The following PLEKHH2 variants were observed in gnomAD, a reference collection of about 807,000 sequenced individuals.
PLEKHH2 encodes pleckstrin homology, MyTH4 and FERM domain containing H2.
Under a neutral mutation model 187.9 loss-of-function variants are expected in PLEKHH2, and 129 were observed. The ratio of observed to expected loss-of-function variants is 0.69; its 90% CI spans 0.59 to 0.79. The LOEUF (loss-of-function observed/expected upper bound fraction) is 0.79. Among genes scored for constraint, PLEKHH2 ranks in the 30% least tolerant of loss-of-function variants. The probability of loss-of-function intolerance (pLI) is 0.00; values close to 1 mark genes in which losing one functional copy is unlikely to be tolerated. For synonymous variants in PLEKHH2, 686 were observed against 605.6 expected, an observed-to-expected ratio of 1.13 and a Z score of -1.95; for missense variants, 2,076 against 1,751.2, an observed-to-expected ratio of 1.19 and a Z score of -3.31.
At position 43,765,456 on chromosome 2, in the gene PLEKHH2, T is replaced by G; in HGVS notation, c.4340T>G (p.Phe1447Cys). ...TTGATCGCCAGTTACATAAACAACT[T>G]CCATCAGCAAAAGGCAGCATTTCAC... Reference protein sequence around the residue: ...TLLIASYINNFHQQKAAFHHL... With the variant: ...TLLIASYINNCHQQKAAFHHL... The change falls in exon 30 of 30, where the codon TTC becomes TGC. Residue 1447 changes from phenylalanine to cysteine, a missense_variant. Transcript: ENST00000282406. 1.9e-6 allele frequency: 3 copies of G among 1,614,142 alleles called. No homozygotes were observed. The highest frequency in any genetic ancestry group is 2.5e-6 in the Non-Finnish European group (3 of 1,180,008).
intron 24 of PLEKHH2, among the ~76,000 whole-genome samples, chr2:43,747,619 T>G (rs1671835153): frequency 6.6e-6 from 1 of 152,216 alleles, no homozygotes; most frequent in African/African-American, 2.4e-5. Context: ...TTTTCATTTC[T>G]TTCATGTATT....
chr2:43,688,246 A>C (rs35100747), intron 3 of PLEKHH2, among the ~76,000 whole-genome samples: 31,980 of 152,230 alleles, frequency 0.21, 4,217 homozygotes, highest in Non-Finnish European at 0.28. Flanking sequence ...TCTAATATCC[A>C]GAATCTATAA....
intron 3 of PLEKHH2, chr2:43,681,007 AG>A: frequency 8.0e-7 from 1 of 1,242,664 alleles, no homozygotes. Flanking sequence ...CAACTGGAAA[AG>A]TCACCTGTTC....
rs376851824 is a variant in PLEKHH2, at chr2:43,710,584, C to CTTTTTTTTTTTT, written c.2301+22_2301+33dup. ...ACAAACAAACAGTTCAGGTACTTAA[C>CTTTTTTTTTTTT]TTTTTTTTTTTTTTTTTTTTTTTTG... On this transcript the variant is annotated intron_variant, in intron 14 of 29. Transcript: ENST00000282406. 2.5e-5 allele frequency: 31 copies of CTTTTTTTTTTTT among 1,242,574 alleles called. No individual in the cohort carries two copies. Among genetic ancestry groups the CTTTTTTTTTTTT allele is most frequent in the South Asian group, 1.5e-4 (8 of 53,002 alleles). 77.0% of individuals were successfully genotyped at this position (1,242,574 alleles called of 1,614,324 possible). A position where few individuals can be genotyped will look rare whatever the true frequency, so the allele number is the denominator to read the frequency against.
chr2:43,672,465 C>G (rs1008474897), intron 2 of PLEKHH2, among the ~76,000 whole-genome samples: 5 of 152,300 alleles, frequency 3.3e-5, no homozygotes, highest in Admixed American at 2.6e-4. Flanking sequence ...TTCATTCAGA[C>G]TCTTGCATTC....
In PLEKHH2 at chr2:43,729,687, C is replaced by T. The variant is rs575474133; in HGVS notation, c.2772C>T (p.Asn924=). ...TTGCAGCTGGAAGCAACAATGTAAA[C>T]GTTGGATCTGAATTTGAACAACTGG... ...LTVAAGSNNV[N]VGSEFEQLVC... is the part of the protein sequence containing the mutation. The change falls in exon 18 of 30, where the codon AAC becomes AAT. Residue 924 remains asparagine (N), a synonymous_variant. Coordinates refer to ENST00000282406, the MANE Select transcript of PLEKHH2 (RefSeq NM_172069.4). 249 of 1,608,866 alleles carry T rather than the reference C, an allele frequency of 1.5e-4. No homozygotes were observed. Among genetic ancestry groups the T allele is most frequent in the Non-Finnish European group, 1.9e-4 (226 of 1,178,256 alleles).
intron 26 of PLEKHH2, among the ~76,000 whole-genome samples, chr2:43,757,760 A>G (rs1169053546): frequency 8.1e-6 from 1 of 123,704 alleles, no homozygotes; most frequent in Non-Finnish European, 1.8e-5. Context: ...TAGAATCTAT[A>G]TTTAAACTTT....
chr2:43,738,213 G>A (rs936138783), intron 19 of PLEKHH2, 128 bp from the exon 20 acceptor site: 2 of 735,764 alleles, frequency 2.7e-6, no homozygotes, highest in Non-Finnish European at 4.1e-6. Context: ...TTTGATTAGT[G>A]TTATCATAAT....
At chr2:43,680,912 A>G (rs1457782164) in intron 3 of PLEKHH2, 1 of 652,400 alleles carries the variant, frequency 1.5e-6, no homozygotes, top group Non-Finnish European at 2.6e-6. Context: ...TGCCTGGTTG[A>G]AATTTATGTC....
At chr2:43,676,118 G>C in intron 2 of PLEKHH2, 2 of 1,613,868 alleles carry the variant, frequency 1.2e-6, no homozygotes. Context: ...CAGAAAACAC[G>C]AATACTTTTA....
chr2:43,645,933 A>G (rs761253845), intron 2 of PLEKHH2, among the ~76,000 whole-genome samples: 10 of 152,178 alleles, frequency 6.6e-5, no homozygotes, highest in Non-Finnish European at 1.3e-4. Context: ...AAGGTATTAA[A>G]TCTTCCTTTC....
chr2:43,647,909 C>T (rs1472981330), intron 2 of PLEKHH2, among the ~76,000 whole-genome samples: 2 of 152,210 alleles, frequency 1.3e-5, no homozygotes, highest in African/African-American at 2.4e-5. Context: ...AGGAAGCTGA[C>T]TCTAGCGGCC....
At chr2:43,763,923 A>G (rs1283937789) in intron 28 of PLEKHH2, among the ~76,000 whole-genome samples, 1 of 152,144 alleles carries the variant, frequency 6.6e-6, no homozygotes, top group Non-Finnish European at 1.5e-5. Flanking sequence ...CATATAAAAA[A>G]TATTAACAGT....
At chr2:43,684,538 C>G (rs1668398792) in intron 3 of PLEKHH2, among the ~76,000 whole-genome samples, 1 of 151,996 alleles carries the variant, frequency 6.6e-6, no homozygotes. Flanking sequence ...CACCCGCCCC[C>G]CACCGACCCC....
In PLEKHH2 at chr2:43,693,116, G is replaced by A. The variant is rs569703420; in HGVS notation, c.336+453G>A. Among the ~76,000 whole-genome samples, 184 of 151,150 alleles carry A rather than the reference G, an allele frequency of 1.2e-3. 2 individuals carry two copies. Among genetic ancestry groups the A allele is most frequent in the African/African-American group, 4.3e-3 (175 of 41,080 alleles). On this transcript the variant is annotated intron_variant, in intron 4 of 29. Coordinates refer to ENST00000282406, the MANE Select transcript of PLEKHH2 (RefSeq NM_172069.4). ...CTAATTTTTGTATTTTTTTTTTTAA[G>A]AAGAGAAAGGGTTTTGCCATGTTGG...
intron 2 of PLEKHH2, among the ~76,000 whole-genome samples, chr2:43,671,283 G>A (rs992124665): frequency 3.3e-5 from 5 of 151,890 alleles, no homozygotes; most frequent in South Asian, 2.1e-4. Context: ...CACCACACCT[G>A]GCCATTTATT....
At chr2:43,678,948 A>T (rs752971793) in intron 3 of PLEKHH2, 23 bp downstream of exon 3, 14 of 1,568,148 alleles carry the variant, frequency 8.9e-6, no homozygotes, top group Admixed American at 3.4e-5. Flanking sequence ...TTTACTTTAA[A>T]TTTTTTTTGC....
At chr2:43,720,520 T>G in intron 15 of PLEKHH2, 149 bp from the exon 16 acceptor site, 1 of 1,273,178 alleles carries the variant, frequency 7.9e-7, no homozygotes, top group Non-Finnish European at 1.1e-6. Context: ...GACAGGTACA[T>G]CTTAAACAGC....
Position 43,692,383 on chromosome 2 carries a change from A to G in PLEKHH2, c.187-131A>G. On this transcript the variant is annotated intron_variant, in intron 3 of 29. Coordinates refer to ENST00000282406, the MANE Select transcript of PLEKHH2 (RefSeq NM_172069.4). ...ACTTTATAATCATTAAATATATTAA[A>G]CCTTGCTGTTTAATATTTTCCTTTT... 4.5e-6 allele frequency: 3 copies of G among 669,480 alleles called. No homozygotes were observed. In the South Asian group the frequency reaches 6.8e-5, roughly 15 times the overall value. 41.5% of individuals were successfully genotyped at this position (669,480 alleles called of 1,614,324 possible).
Sources: allele counts gnomAD v4.1 joint callset (sites outside exome capture counted in the v4.1 genomes callset), GRCh38; gene constraint gnomAD v4.1.1; transcripts MANE v1.5; gene names NCBI Gene and HGNC (gene_info 2026-07-23, HGNC 2026-07-21).